CAMTA1: variants seen among roughly 807,000 people sequenced by gnomAD.
CAMTA1 encodes the protein calmodulin binding transcription activator 1.
A neutral mutation model predicts 170.9 loss-of-function variants in CAMTA1; 27 were observed. The ratio of observed to expected loss-of-function variants is 0.16; its 90% CI spans 0.12 to 0.22. The LOEUF is 0.22. Among genes scored for constraint, CAMTA1 ranks in the 10% least tolerant of loss-of-function variants. CAMTA1 has a pLI of 1.00. For synonymous variants in CAMTA1, 833 were observed against 891.5 expected (o/e 0.93, Z 1.17); for missense variants, 1,619 against 2,217.2 (o/e 0.73, Z 5.42).
rs560513282 is a variant in CAMTA1, at chr1:7,412,000, C to T, written c.439-55830C>T. 4.7e-5 allele frequency among the ~76,000 whole-genome samples: 7 copies of T among 148,764 alleles called. No homozygotes were observed. The South Asian group carries it at 1.3e-3, about 28-fold the overall frequency. ...TTCAATTCCCACCTATGAGTGAGAA[C>T]ATGCGGTGTTTGGTTTTTTGTCCTT... is the stretch of plus-strand genomic sequence containing the variant. On this transcript the variant is annotated intron_variant, in intron 5 of 22. Coordinates refer to ENST00000303635, the MANE Select transcript of CAMTA1 (RefSeq NM_015215.4).
At chr1:6,862,070 C>T (rs1056859411) in intron 3 of CAMTA1, among the ~76,000 whole-genome samples, 8 of 151,118 alleles carry the variant, frequency 5.3e-5, no homozygotes, top group Non-Finnish European at 8.8e-5. Flanking sequence ...TCAAGCTATT[C>T]TCCTGCCTCA....
chr1:7,400,210 T>C (rs924795845), intron 5 of CAMTA1, among the ~76,000 whole-genome samples: 1 of 152,226 alleles, frequency 6.6e-6, no homozygotes, highest in Non-Finnish European at 1.5e-5. Context: ...TCAAAAGACA[T>C]GTCTTTAAGT....
At chr1:7,521,509 T>C (rs781272221) in intron 6 of CAMTA1, among the ~76,000 whole-genome samples, 1 of 152,162 alleles carries the variant, frequency 6.6e-6, no homozygotes, top group Non-Finnish European at 1.5e-5. Flanking sequence ...TTATTATACA[T>C]GTAGGTTTGT....
chr1:6,906,076 C>T (rs1678395839), intron 3 of CAMTA1, among the ~76,000 whole-genome samples: 1 of 152,240 alleles, frequency 6.6e-6, no homozygotes, highest in African/African-American at 2.4e-5. Context: ...CCCTCCAAGT[C>T]ACCCACGGTC....
At chr1:7,204,830 C>CT (rs367812076) in intron 4 of CAMTA1, among the ~76,000 whole-genome samples, 3,646 of 86,802 alleles carry the variant, frequency 0.042, 142 homozygotes, top group Non-Finnish European at 0.063. Flanking sequence ...TTCTTTTTTT[C>CT]TTTTTTTTTT....
chr1:7,406,652 A>G (rs2090314636), intron 5 of CAMTA1, among the ~76,000 whole-genome samples: 1 of 152,052 alleles, frequency 6.6e-6, no homozygotes, highest in Non-Finnish European at 1.5e-5. Context: ...ACACACACGC[A>G]CACACATGCA....
At chr1:7,131,057 G>A (rs1416301696) in intron 4 of CAMTA1, among the ~76,000 whole-genome samples, 1 of 151,706 alleles carries the variant, frequency 6.6e-6, no homozygotes, top group Non-Finnish European at 1.5e-5. Flanking sequence ...GGGTTCAAGC[G>A]ATTCTCCTGC....
intron 6 of CAMTA1, among the ~76,000 whole-genome samples, chr1:7,543,458 A>G (rs1211705951): frequency 2.6e-5 from 4 of 152,154 alleles, no homozygotes; most frequent in East Asian, 1.9e-4. Context: ...TTATTTTCAC[A>G]TGGCTCTAGT....
chr1:7,652,150 G>A (rs1347623008), intron 7 of CAMTA1, among the ~76,000 whole-genome samples: 1 of 152,074 alleles, frequency 6.6e-6, no homozygotes. Context: ...GCTTCTTTGG[G>A]TTTTTATAGA....
chr1:7,686,061 C>T (rs2096255140), intron 11 of CAMTA1, among the ~76,000 whole-genome samples: 1 of 152,200 alleles, frequency 6.6e-6, no homozygotes, highest in African/African-American at 2.4e-5. Context: ...TGTGCACGTC[C>T]TAACCAGTCT....
chr1:7,150,298 G>T (rs528003361), intron 4 of CAMTA1, among the ~76,000 whole-genome samples: 92 of 152,342 alleles, frequency 6.0e-4, no homozygotes, highest in South Asian at 1.2e-3. Flanking sequence ...ACCTGACTGG[G>T]TGTGATTAAG....
intron 3 of CAMTA1, among the ~76,000 whole-genome samples, chr1:6,855,100 TAAA>T (rs908809410): frequency 1.3e-5 from 2 of 151,920 alleles, no homozygotes; most frequent in African/African-American, 2.4e-5. Context: ...TGTAGAAAAT[TAAA>T]AAAAACCTCT....
intron 3 of CAMTA1, among the ~76,000 whole-genome samples, chr1:6,857,071 T>G (rs1218505137): frequency 6.6e-6 from 1 of 152,166 alleles, no homozygotes; most frequent in Admixed American, 6.5e-5. Flanking sequence ...TTGGACTGTT[T>G]TGCTATTTAC....
chr1:7,217,719 C>T (rs1660008673), intron 4 of CAMTA1, among the ~76,000 whole-genome samples: 1 of 151,836 alleles, frequency 6.6e-6, no homozygotes, highest in South Asian at 2.1e-4. Context: ...TAACTTTTAC[C>T]ATTTGGTCTT....
At chr1:7,725,862 C>T (rs755696399) in intron 11 of CAMTA1, among the ~76,000 whole-genome samples, 3 of 152,132 alleles carry the variant, frequency 2.0e-5, no homozygotes, top group African/African-American at 4.8e-5. Context: ...GAGCAGAAGC[C>T]GCCATCTAGG....
intron 3 of CAMTA1, among the ~76,000 whole-genome samples, chr1:7,076,214 C>G (rs528886796): frequency 1.6e-3 from 245 of 152,270 alleles, no homozygotes; most frequent in Non-Finnish European, 2.6e-3. Flanking sequence ...ACAAGAAGGG[C>G]CTCGTTTTAT....
At chr1:7,185,207 T>C (rs1573732496) in intron 4 of CAMTA1, among the ~76,000 whole-genome samples, 1 of 152,316 alleles carries the variant, frequency 6.6e-6, no homozygotes, top group South Asian at 2.1e-4. Context: ...TAAATGCATG[T>C]ATTAATGTAG....
At chr1:6,923,066 G>T (rs532274756) in intron 3 of CAMTA1, among the ~76,000 whole-genome samples, 3 of 152,102 alleles carry the variant, frequency 2.0e-5, no homozygotes, top group Non-Finnish European at 2.9e-5. Flanking sequence ...AATTAAAGTC[G>T]ATTTAGATAA....
At chr1:7,441,789 G>A (rs1259993846) in intron 5 of CAMTA1, among the ~76,000 whole-genome samples, 1 of 152,094 alleles carries the variant, frequency 6.6e-6, no homozygotes, top group East Asian at 1.9e-4. Context: ...TCATTAATTG[G>A]GCACAAAGAG....
Sources: allele counts gnomAD v4.1 joint callset (sites outside exome capture counted in the v4.1 genomes callset), GRCh38; gene constraint gnomAD v4.1.1; transcripts MANE v1.5; gene names NCBI Gene and HGNC (gene_info 2026-07-23, HGNC 2026-07-21).